Variants in GLS2 observed in about 807,000 individuals in gnomAD.
GLS2 encodes glutaminase 2, also known as glutaminase liver isoform, mitochondrial.
A neutral mutation model predicts 79.0 loss-of-function variants in GLS2; 52 were observed. The ratio of observed to expected loss-of-function variants is 0.66; its 90% CI spans 0.53 to 0.83. The LOEUF is 0.83. Among genes scored for constraint, GLS2 ranks in the 40% least tolerant of loss-of-function variants. The pLI is 0.00. For synonymous variants in GLS2, 238 were observed against 280.8 expected (o/e 0.85, Z 1.52); for missense variants, 561 against 764.8 (o/e 0.73, Z 3.14).
chr12:56,483,521 G>C (rs1870463110), intron 1 of GLS2, among the ~76,000 whole-genome samples: 1 of 152,096 alleles, frequency 6.6e-6, no homozygotes, highest in Admixed American at 6.6e-5. Flanking sequence ...GAATTGATAT[G>C]GAATTATCTC....
intron 1 of GLS2, among the ~76,000 whole-genome samples, chr12:56,486,966 AGAGACTCGAGTAGTGGTGAGGTAGTGTTG>A (rs1870742294): frequency 6.6e-6 from 1 of 151,836 alleles, no homozygotes; most frequent in South Asian, 2.1e-4. Context: ...GTGTTGTGTC[AGAGACTCGAGTAGTGGTGAGGTAGTGTTG>A]TGTCAGTCTG....
rs1179465965 is a variant in GLS2 at position 56,474,662 on chromosome 12, T to C, written c.1106A>G (p.Asn369Ser). ...GCCTGTGATGGGGCAGATCCCACCG[T>C]TGGCGAGGGTGGCTGCCATGACACT... The part of the protein sequence containing the change: ...SGSVMAATLA[N>S]GGICPITGES... Residue 369 changes from asparagine to serine, a missense_variant, in exon 12 of 18, where the codon AAC becomes AGC. By Grantham distance (46) the Asn-to-Ser change is conservative. Coordinates refer to ENST00000311966, the MANE Select transcript of GLS2 (RefSeq NM_013267.4). 1.2e-6 allele frequency: 2 copies of C among 1,613,644 alleles called. No homozygotes were observed. Among genetic ancestry groups the C allele is most frequent in the East Asian group, 2.2e-5 (1 of 44,892 alleles).
At chr12:56,481,595 T>C (rs957452581) in intron 1 of GLS2, among the ~76,000 whole-genome samples, 1 of 151,290 alleles carries the variant, frequency 6.6e-6, no homozygotes, top group Non-Finnish European at 1.5e-5. Context: ...AATAAGCACT[T>C]GAAATAAGAA....
intron 4 of GLS2, chr12:56,478,613 G>T: frequency 3.5e-6 from 1 of 288,660 alleles, no homozygotes. Context: ...ATCGTGTATA[G>T]AAACACATGA....
At chr12:56,480,518 T>G (rs1870198447) in intron 1 of GLS2, 131 bp from the exon 2 acceptor site, 2 of 687,638 alleles carry the variant, frequency 2.9e-6, no homozygotes, top group Non-Finnish European at 5.3e-6. Flanking sequence ...ATCTGATCTA[T>G]CCCTATAAAT....
At chr12:56,483,210 A>AGCTGGG (rs1205200901) in intron 1 of GLS2, among the ~76,000 whole-genome samples, 2 of 150,464 alleles carry the variant, frequency 1.3e-5, no homozygotes, top group African/African-American at 4.9e-5. Flanking sequence ...CCTCCCAAGT[A>AGCTGGG]GCTGGGATTA....
At chr12:56,475,505 A>G in intron 9 of GLS2, 119 bp downstream of exon 9, 3 of 1,076,426 alleles carry the variant, frequency 2.8e-6, no homozygotes, top group Admixed American at 2.3e-5. Flanking sequence ...TGGAGGGCCA[A>G]AGTTCCCCTG....
intron 1 of GLS2, chr12:56,487,616 G>A (rs1870788807): frequency 2.3e-6 from 1 of 430,470 alleles, no homozygotes; most frequent in Non-Finnish European, 4.1e-6. Context: ...GGTGAGGACT[G>A]GCGGCGTGAG....
In GLS2 at chr12:56,472,524, C is replaced by CT. The variant is rs151260400; in HGVS notation, c.1511+165dup. The stretch of plus-strand genomic sequence containing the variant: ...TAATTATCATAGAGCAGACAGTTTA[C>CT]TTTTTTTAAAAAAAATCTCCTTTTT... On this transcript the variant is annotated intron_variant, in intron 15 of 17. Coordinates refer to ENST00000311966, the MANE Select transcript of GLS2 (RefSeq NM_013267.4). 6.5e-3 allele frequency: 4,226 copies of CT among 648,706 alleles called. 32 individuals are homozygous for CT. The highest frequency in any genetic ancestry group is 9.2e-3 in the Middle Eastern group (23 of 2,490). 40.2% of individuals were successfully genotyped at this position (648,706 alleles called of 1,614,324 possible). A position where few individuals can be genotyped will look rare whatever the true frequency, so the allele number is the denominator to read the frequency against.
At position 56,471,423 on chromosome 12, in the gene GLS2, T is replaced by TCGCCG; in HGVS notation, c.*63_*64insCGGCG. On this transcript the variant is annotated 3_prime_UTR_variant, in exon 18 of 18. Coordinates refer to ENST00000311966, the MANE Select transcript of GLS2 (RefSeq NM_013267.4). Reference sequence around the variant, plus strand: ...TAGCTCTCCATAGTATTTTTGGTGGTTATGGATTACATGTGTGGCCAGCTC... The same window carrying TCGCCG: ...TAGCTCTCCATAGTATTTTTGGTGGTCGCCGTATGGATTACATGTGTGGCCAGCTC... 20 of 1,514,782 alleles carry TCGCCG rather than the reference T, an allele frequency of 1.3e-5. No homozygotes were observed. Among genetic ancestry groups the TCGCCG allele is most frequent in the Admixed American group, 8.0e-5 (4 of 49,984 alleles). The allele number at this position is 1,514,782 out of a possible 1,614,324, so 93.8% of individuals were successfully genotyped here. A position where few individuals can be genotyped will look rare whatever the true frequency, so the allele number is the denominator to read the frequency against.
chr12:56,478,121 A>G, intron 5 of GLS2, 25 bp from the exon 6 acceptor site: 1 of 1,614,044 alleles, frequency 6.2e-7, no homozygotes, highest in Non-Finnish European at 8.5e-7. Context: ...ATGCCATGAA[A>G]GGGGTTGGCC....
At position 56,471,438 on chromosome 12, in the gene GLS2, G is replaced by T. The variant is rs1246302897; in HGVS notation, c.*49C>A. ...TTTTTGGTGGTTATGGATTACATGT[G>T]TGGCCAGCTCATGCTTTTTCTTGAG... On this transcript the variant is annotated 3_prime_UTR_variant, in exon 18 of 18. Transcript: ENST00000311966. 4 of 1,560,986 alleles carry T rather than the reference G, an allele frequency of 2.6e-6. No individual in the cohort carries two copies. Among genetic ancestry groups the T allele is most frequent in the Non-Finnish European group, 2.6e-6 (3 of 1,152,952 alleles).
rs1160805025 is a variant in GLS2, at chr12:56,480,398, G to A, written c.183-11C>T. On this transcript the variant is annotated splice_polypyrimidine_tract_variant and intron_variant, in intron 1 of 17. Coordinates refer to ENST00000311966, the MANE Select transcript of GLS2 (RefSeq NM_013267.4). ...CTTTCTGATGAATCACTGTTTGGGG[G>A]CAGAGAATGGGGAGGAAAGTGGGGC... is the stretch of plus-strand genomic sequence containing the variant. 6.2e-7 allele frequency: 1 copy of A among 1,610,392 alleles called. No individual in the cohort carries two copies. Among genetic ancestry groups the A allele is most frequent in the Admixed American group, 1.7e-5 (1 of 60,014 alleles).
chr12:56,478,990 A>G (rs1870069194), intron 4 of GLS2, 62 bp downstream of exon 4: 1 of 1,190,248 alleles, frequency 8.4e-7, no homozygotes. Context: ...TCTCAGGAAA[A>G]AAAAAAAAAA....
At chr12:56,481,624 C>G (rs1231366844) in intron 1 of GLS2, among the ~76,000 whole-genome samples, 2 of 150,792 alleles carry the variant, frequency 1.3e-5, no homozygotes, top group Admixed American at 6.7e-5. Context: ...GGCATGGTGA[C>G]TCACACCTGT....
intron 1 of GLS2, among the ~76,000 whole-genome samples, chr12:56,484,693 T>G (rs1405674614): frequency 1.1e-4 from 17 of 152,156 alleles, no homozygotes; most frequent in Non-Finnish European, 2.2e-4. Flanking sequence ...TACCACTGAA[T>G]GTATCACAAG....
Position 56,473,740 on chromosome 12 carries a change from T to A in GLS2, c.1225-146A>T, listed in dbSNP as rs1869524458. The A allele has an allele frequency of 4.3e-6, 4 of 938,244 alleles. No individual in the cohort carries two copies. In the South Asian group the frequency reaches 8.4e-5, roughly 20 times the overall value. 58.1% of individuals were successfully genotyped at this position (938,244 alleles called of 1,614,324 possible). On this transcript the variant is annotated intron_variant, in intron 12 of 17. Transcript: ENST00000311966. ...TTTTGGCTTGTTAATTAGCTTCTTT[T>A]ATTACTCCTGTCCTTTCCTTCCCTT...
At chr12:56,487,702 G>A (rs1565710025) in intron 1 of GLS2, 2 of 565,578 alleles carry the variant, frequency 3.5e-6, no homozygotes, top group African/African-American at 2.0e-5. Flanking sequence ...TGCGCACCTT[G>A]GACAGGCGCC....
chr12:56,475,901 C>T, intron 8 of GLS2, 44 bp downstream of exon 8: 2 of 1,608,636 alleles, frequency 1.2e-6, no homozygotes, highest in Non-Finnish European at 1.7e-6. Flanking sequence ...GGACAGCATG[C>T]CATGGCGAAA....
Sources: allele counts gnomAD v4.1 joint callset (sites outside exome capture counted in the v4.1 genomes callset), GRCh38; gene constraint gnomAD v4.1.1; transcripts MANE v1.5; gene names NCBI Gene and HGNC (gene_info 2026-07-23, HGNC 2026-07-21).